Variants in TLN2 observed in about 807,000 individuals in gnomAD.
The protein encoded by TLN2 is talin-2.
TLN2 carries 118 observed loss-of-function variants against 294.7 expected under a neutral mutation model. That is an observed-to-expected ratio of 0.40 (90% confidence interval 0.34 to 0.47). The LOEUF (loss-of-function observed/expected upper bound fraction) is 0.47, where lower values mean the gene tolerates loss of function less well. TLN2 is among the 20% of genes least tolerant of loss of function. The pLI is 0.84. For missense variants in TLN2, 3,083 were observed against 3,282.2 expected (o/e 0.94, Z 1.48); for synonymous variants, 1,431 against 1,304.5 (o/e 1.10, Z -2.09).
intron 1 of TLN2, among the ~76,000 whole-genome samples, chr15:62,469,967 C>T (rs901924251): frequency 6.6e-6 from 1 of 151,460 alleles, no homozygotes; most frequent in African/African-American, 2.4e-5. Context: ...AGAGAGAGAG[C>T]GAGAGAGAGA....
intron 1 of TLN2, among the ~76,000 whole-genome samples, chr15:62,518,006 G>T (rs2040265603): frequency 6.6e-6 from 1 of 151,968 alleles, no homozygotes; most frequent in African/African-American, 2.4e-5. Flanking sequence ...GTCAGACTGA[G>T]CACATAGTAA....
At chr15:62,472,374 C>T (rs1196074701) in intron 1 of TLN2, among the ~76,000 whole-genome samples, 2 of 152,304 alleles carry the variant, frequency 1.3e-5, no homozygotes, top group East Asian at 1.9e-4. Flanking sequence ...GTGCCTTTCA[C>T]CCACGCTAGT....
intron 1 of TLN2, among the ~76,000 whole-genome samples, chr15:62,493,594 C>CA (rs2038863323): frequency 6.6e-6 from 1 of 151,886 alleles, no homozygotes; most frequent in African/African-American, 2.4e-5. Flanking sequence ...GCTGGCCCAA[C>CA]ACCATGGAGG....
intron 3 of TLN2, among the ~76,000 whole-genome samples, chr15:62,631,470 C>G (rs1355754810): frequency 2.0e-5 from 3 of 149,264 alleles, no homozygotes; most frequent in East Asian, 2.0e-4. Flanking sequence ...CTTTCTCTCT[C>G]TCTTCCTCTT....
intron 1 of TLN2, among the ~76,000 whole-genome samples, chr15:62,463,449 C>T (rs996169907): frequency 6.6e-6 from 1 of 152,114 alleles, no homozygotes; most frequent in Non-Finnish European, 1.5e-5. Flanking sequence ...TCTAGGGAAG[C>T]CTAGCCACCA....
intron 45 of TLN2, among the ~76,000 whole-genome samples, chr15:62,789,596 G>A (rs1312022523): frequency 6.6e-6 from 1 of 152,168 alleles, no homozygotes. Context: ...TCATCCCATA[G>A]GGTTCAGGTT....
At chr15:62,678,419 A>T (rs1379955365) in intron 11 of TLN2, among the ~76,000 whole-genome samples, 1 of 152,238 alleles carries the variant, frequency 6.6e-6, no homozygotes, top group Non-Finnish European at 1.5e-5. Flanking sequence ...AAAACTCAAC[A>T]TCCTTTTATT....
intron 1 of TLN2, among the ~76,000 whole-genome samples, chr15:62,552,504 C>T (rs1226374344): frequency 6.6e-6 from 1 of 152,208 alleles, no homozygotes; most frequent in Non-Finnish European, 1.5e-5. Flanking sequence ...AGCTCTCATA[C>T]TGTACACAAG....
chr15:62,833,690 G>C, intron 55 of TLN2, 61 bp downstream of exon 55: 1 of 1,574,176 alleles, frequency 6.4e-7, no homozygotes, highest in South Asian at 1.2e-5. Flanking sequence ...AGGGGGCCCA[G>C]GAAAAGAGCT....
In TLN2 at chr15:62,673,877, A is replaced by G. The variant is rs779513729; in HGVS notation, c.839A>G (p.Lys280Arg). Residue 280 changes from lysine (K) to arginine (R), a missense_variant, in exon 10 of 59, where the codon AAG (lysine) becomes AGG (arginine). By Grantham distance (26) the Lys-to-Arg change is conservative. Coordinates refer to ENST00000636159, the MANE Select transcript of TLN2 (RefSeq NM_015059.3). ...TATATCAAGCAGAGAGGAGCTGAAA[A>G]GAGGATCTTTCAGGTATTGGAAATG... ...KEYIKQRGAE[K>R]RIFQEHKNCG... The G allele has an allele frequency of 1.2e-6, 2 of 1,613,130 alleles. No homozygotes were observed. The highest frequency in any genetic ancestry group is 1.7e-6 in the Non-Finnish European group (2 of 1,179,306).
Position 62,820,620 on chromosome 15 carries a change from C to T in TLN2, c.7002+10C>T. ...AAGAGCAAAACCAAAAGTAAGTGTT[C>T]ATTTATGGTTGGCTGTCCGATGTCA... On this transcript the variant is annotated intron_variant, in intron 54 of 58. Coordinates refer to ENST00000636159, the MANE Select transcript of TLN2 (RefSeq NM_015059.3). 2 of 1,611,522 alleles carry T rather than the reference C, an allele frequency of 1.2e-6. No individual in the cohort carries two copies. Among genetic ancestry groups the T allele is most frequent in the Non-Finnish European group, 8.5e-7 (1 of 1,178,542 alleles).
At chr15:62,599,136 C>T (rs558136967) in intron 2 of TLN2, among the ~76,000 whole-genome samples, 1 of 152,294 alleles carries the variant, frequency 6.6e-6, no homozygotes, top group African/African-American at 2.4e-5. Context: ...AACATCTTGG[C>T]CAATGATGTT....
At chr15:62,798,118 T>G (rs1373360761) in intron 48 of TLN2, among the ~76,000 whole-genome samples, 1 of 151,878 alleles carries the variant, frequency 6.6e-6, no homozygotes, top group African/African-American at 2.4e-5. Context: ...AACCATCGAG[T>G]GCCATCGAGG....
intron 25 of TLN2, among the ~76,000 whole-genome samples, chr15:62,721,595 AACAT>A (rs926674584): frequency 1.2e-4 from 18 of 152,242 alleles, no homozygotes; most frequent in African/African-American, 4.3e-4. Flanking sequence ...GTAGTTTTAT[AACAT>A]ATATATTAAA....
intron 11 of TLN2, among the ~76,000 whole-genome samples, chr15:62,677,938 G>T (rs544936137): frequency 6.6e-6 from 1 of 150,736 alleles, no homozygotes; most frequent in South Asian, 2.1e-4. Flanking sequence ...TAGGGTTACA[G>T]GCATGCACCA....
intron 1 of TLN2, among the ~76,000 whole-genome samples, chr15:62,554,936 C>T (rs1344878058): frequency 6.6e-6 from 1 of 151,514 alleles, no homozygotes; most frequent in Non-Finnish European, 1.5e-5. Context: ...TTCGTGTACA[C>T]TTGCTTTGCT....
chr15:62,686,640 G>A lies in TLN2; in HGVS notation c.958-1G>A. On this transcript the variant is annotated splice_acceptor_variant, in intron 11 of 58. Transcript: ENST00000636159. LOFTEE classifies it high-confidence loss of function. ...CTGACTCTTGGTATCTCCTGTTTCA[G>A]GAGAAGATGAAAGGCAAGAACAAGC... 1 of 1,611,172 alleles carries A rather than the reference G, an allele frequency of 6.2e-7. No individual in the cohort carries two copies. Among genetic ancestry groups the A allele is most frequent in the Non-Finnish European group, 8.5e-7 (1 of 1,178,632 alleles).
rs1034838626 is a variant in TLN2, at chr15:62,396,388, C to T, written c.-238+5703C>T. On this transcript the variant is annotated intron_variant, in intron 1 of 58. Transcript: ENST00000636159. ...TAGAAAAAAAGACTGGGAAGTATCACGCTTACTTTCTCTGATGCCTCTCAT... is the reference window on the plus strand; with the variant it reads ...TAGAAAAAAAGACTGGGAAGTATCATGCTTACTTTCTCTGATGCCTCTCAT... Among the ~76,000 whole-genome samples the T allele has an allele frequency of 4.6e-5, 7 of 152,310 alleles. No individual in the cohort carries two copies. In the South Asian group the frequency reaches 1.0e-3, roughly 23 times the overall value.
chr15:62,656,280 C>T (rs1397290089), intron 8 of TLN2, among the ~76,000 whole-genome samples, 194 bp downstream of exon 8: 1 of 152,196 alleles, frequency 6.6e-6, no homozygotes, highest in African/African-American at 2.4e-5. Flanking sequence ...AGCTGACCAT[C>T]CGGAGTAGGG....
Sources: gnomAD v4.1 joint callset for allele counts (sites outside exome capture counted in the v4.1 genomes callset) on GRCh38, gnomAD v4.1.1 for gene constraint, MANE v1.5 for transcripts, NCBI Gene and HGNC (gene_info 2026-07-23, HGNC 2026-07-21) for gene names.